Variants in ANO7 observed in about 807,000 individuals in gnomAD.
ANO7 encodes the protein anoctamin-7.
ANO7 carries 114 observed loss-of-function variants against 115.8 expected under a neutral mutation model. The ratio of observed to expected loss-of-function variants is 0.98; its 90% CI spans 0.85 to 1.15. The LOEUF (loss-of-function observed/expected upper bound fraction) is 1.15, where lower values mean the gene tolerates loss of function less well. Among genes scored for constraint, ANO7 ranks in the 50% most tolerant of loss-of-function variants. ANO7 has a pLI of 0.00. For synonymous variants in ANO7, 550 were observed against 498.2 expected (o/e 1.10, Z -1.38); for missense variants, 1,302 against 1,201.2 (o/e 1.08, Z -1.24).
chr2:241,199,273 C>T, intron 4 of ANO7, 43 bp from the exon 5 acceptor site: 4 of 1,541,188 alleles, frequency 2.6e-6, no homozygotes, highest in Non-Finnish European at 3.6e-6. Context: ...CATACGTGCA[C>T]ACATGCACCC....
the ANO7 span, chr2:241,231,065 G>A: frequency 1.7e-4 from 140 of 831,880 alleles, no homozygotes; most frequent in Middle Eastern, 3.5e-4. Flanking sequence ...GCAACGTCAC[G>A]GCTGATTTAA....
chr2:241,223,730 CAA>C lies in ANO7; in HGVS notation c.2483_2484del (p.Lys828SerfsTer9). ...VPDIPESVEI[K>X]VKREYYLAKQ... The stretch of plus-strand genomic sequence containing the variant: ...CTGACATCCCAGAGTCTGTGGAGAT[CAA>C]AGTGAAGCGGGAGTACTACCTGGCT... On this transcript the variant is annotated frameshift_variant, in exon 23 of 25. Coordinates refer to ENST00000674324, the MANE Select transcript of ANO7 (RefSeq NM_001370694.2). LOFTEE classifies it high-confidence loss of function. 3.1e-6 allele frequency: 5 copies of C among 1,614,162 alleles called. No individual in the cohort carries two copies. The highest frequency in any genetic ancestry group is 4.2e-6 in the Non-Finnish European group (5 of 1,180,022).
downstream of ANO7, chr2:241,228,079 A>C (rs2149292620): frequency 6.6e-6 from 1 of 152,374 alleles, no homozygotes; most frequent in East Asian, 1.9e-4. Context: ...TTCGAGTCTG[A>C]AGATGACCAA....
chr2:241,220,706 G>A (rs1339714661), intron 21 of ANO7, among the ~76,000 whole-genome samples: 3 of 152,152 alleles, frequency 2.0e-5, no homozygotes, highest in Admixed American at 1.3e-4. Context: ...AGGCTGAGGC[G>A]GGAGAATGGC....
chr2:241,232,225 C>T, the ANO7 span, among the ~76,000 whole-genome samples: 2,041 of 152,246 alleles, frequency 0.013, 27 homozygotes, highest in African/African-American at 0.034. Context: ...TGCTCCACCC[C>T]ACTTGGCTCA....
intron 9 of ANO7, among the ~76,000 whole-genome samples, chr2:241,204,379 G>T (rs2068541420): frequency 2.0e-5 from 3 of 148,892 alleles, no homozygotes; most frequent in African/African-American, 7.3e-5. Context: ...GAGGGCCTGG[G>T]GTAACTGAGG....
At chr2:241,215,755 C>T (rs976524801) in intron 18 of ANO7, among the ~76,000 whole-genome samples, 1 of 152,226 alleles carries the variant, frequency 6.6e-6, no homozygotes, top group African/African-American at 2.4e-5. Context: ...CAGTCGTCCT[C>T]GTCCACTCCC....
At chr2:241,237,726 A>AAC in the ANO7 span, among the ~76,000 whole-genome samples, 1 of 117,624 alleles carries the variant, frequency 8.5e-6, no homozygotes, top group Non-Finnish European at 1.8e-5. Flanking sequence ...TCAGAAAAAA[A>AAC]ACGTGTGTAA....
At chr2:241,213,381 C>T (rs910979797) in intron 17 of ANO7, among the ~76,000 whole-genome samples, 10 of 152,254 alleles carry the variant, frequency 6.6e-5, no homozygotes, top group African/African-American at 1.7e-4. Context: ...TTAGCTACTC[C>T]GTATCTCTGA....
At chr2:241,221,176 A>G (rs1433109120) in intron 21 of ANO7, among the ~76,000 whole-genome samples, 2 of 147,698 alleles carry the variant, frequency 1.4e-5, no homozygotes, top group Non-Finnish European at 3.0e-5. Flanking sequence ...CCCGGGTTCA[A>G]GCGATTCTCC....
Position 241,209,630 on chromosome 2 carries a change from G to A in ANO7, c.1354G>A (p.Val452Met). The A allele has an allele frequency of 1.9e-6, 3 of 1,553,660 alleles. No homozygotes were observed. The highest frequency in any genetic ancestry group is 2.6e-6 in the Non-Finnish European group (3 of 1,151,884). The change falls in exon 13 of 25, where the codon GTG becomes ATG. Residue 452 changes from valine (V) to methionine (M), a missense_variant. Val to Met is a conservative substitution (Grantham distance 21). Coordinates refer to ENST00000674324, the MANE Select transcript of ANO7 (RefSeq NM_001370694.2). ...GCTGGCCGGCTCTGTGGTGATCGTG[G>A]TGATGGTATGCGGTCCCCCTGCCCT... ...RMLAGSVVIV[V>M]MVAVVVMCLV...
At chr2:241,199,447 G>A in intron 5 of ANO7, 24 bp downstream of exon 5, 1 of 1,611,560 alleles carries the variant, frequency 6.2e-7, no homozygotes, top group Non-Finnish European at 8.5e-7. Context: ...ATGGGGACAG[G>A]GTGGGCCTGG....
intron 15 of ANO7, among the ~76,000 whole-genome samples, chr2:241,211,328 C>T (rs933533038): frequency 8.9e-5 from 6 of 67,458 alleles, no homozygotes; most frequent in African/African-American, 4.0e-4. Flanking sequence ...CCTCTCCCAT[C>T]GGTCTTTTTC....
At chr2:241,234,852 C>G in the ANO7 span, among the ~76,000 whole-genome samples, 53 of 152,308 alleles carry the variant, frequency 3.5e-4, no homozygotes, top group African/African-American at 1.2e-3. Flanking sequence ...GTCTGAGGTA[C>G]CACTCTGATT....
intron 15 of ANO7, among the ~76,000 whole-genome samples, chr2:241,211,604 A>G (rs2068721851): frequency 6.6e-6 from 1 of 152,170 alleles, no homozygotes; most frequent in African/African-American, 2.4e-5. Context: ...AGACCTTTGC[A>G]GGTGGCAGGT....
At chr2:241,211,716 C>T (rs940812821) in intron 15 of ANO7, among the ~76,000 whole-genome samples, 5 of 151,922 alleles carry the variant, frequency 3.3e-5, no homozygotes, top group African/African-American at 7.3e-5. Flanking sequence ...GGGTGTTGAG[C>T]CTCCCTCTTT....
At position 241,224,269 on chromosome 2, in the gene ANO7, G is replaced by A. The variant is rs1346975819; in HGVS notation, c.*116G>A. On this transcript the variant is annotated 3_prime_UTR_variant, in exon 25 of 25. Coordinates refer to ENST00000674324, the MANE Select transcript of ANO7 (RefSeq NM_001370694.2). ...TGTGTGAACCGCTGGCTGCTGTTGT[G>A]CCTCATCTCTGGGCACATTGCCTGC... The A allele has an allele frequency of 1.7e-6, 2 of 1,202,502 alleles. No homozygotes were observed. The highest frequency in any genetic ancestry group is 2.5e-5 in the East Asian group (1 of 39,760). 74.5% of individuals were successfully genotyped at this position (1,202,502 alleles called of 1,614,324 possible). A position where few individuals can be genotyped will look rare whatever the true frequency, so the allele number is the denominator to read the frequency against.
At chr2:241,202,067 T>A in intron 7 of ANO7, 127 bp from the exon 8 acceptor site, 1 of 708,776 alleles carries the variant, frequency 1.4e-6, no homozygotes. Context: ...TTCCATCAGA[T>A]CGCTATTGTC....
At position 241,224,201 on chromosome 2, in the gene ANO7, G is replaced by T; in HGVS notation, c.*48G>T. On this transcript the variant is annotated 3_prime_UTR_variant, in exon 25 of 25. Coordinates refer to ENST00000674324, the MANE Select transcript of ANO7 (RefSeq NM_001370694.2). ...TCCTTAGGGGAGTGGCCCCTCCTGA[G>T]CCCTGCGAGCAGCGTCCTTTTCCTC... 1 of 1,602,150 alleles carries T rather than the reference G, an allele frequency of 6.2e-7. No homozygotes were observed. The highest frequency in any genetic ancestry group is 8.5e-7 in the Non-Finnish European group (1 of 1,170,602).
Sources: allele counts gnomAD v4.1 joint callset (sites outside exome capture counted in the v4.1 genomes callset), GRCh38; gene constraint gnomAD v4.1.1; transcripts MANE v1.5; gene names NCBI Gene and HGNC (gene_info 2026-07-23, HGNC 2026-07-21).